Variants in LSS observed in about 807,000 individuals in gnomAD.
The protein encoded by LSS is lanosterol synthase.
Under a neutral mutation model 110.3 loss-of-function variants are expected in LSS, and 90 were observed. The observed-to-expected ratio is 0.82, with a 90% confidence interval of 0.69 to 0.97. LSS has a LOEUF of 0.97. Among genes scored for constraint, LSS ranks in the 50% least tolerant of loss-of-function variants. The pLI is 0.00. For missense variants in LSS, 927 were observed against 990.0 expected, an observed-to-expected ratio of 0.94 and a Z score of 0.85; for synonymous variants, 433 against 400.0, an observed-to-expected ratio of 1.08 and a Z score of -0.98.
At chr21:46,195,180 G>A (rs531231179) in intron 19 of LSS, among the ~76,000 whole-genome samples, 16 of 152,304 alleles carry the variant, frequency 1.1e-4, no homozygotes, top group African/African-American at 1.7e-4. Flanking sequence ...TGGAGGGGCC[G>A]GAGACCAGAA....
At chr21:46,218,973 C>T (rs2080240881) in intron 6 of LSS, among the ~76,000 whole-genome samples, 1 of 152,180 alleles carries the variant, frequency 6.6e-6, no homozygotes, top group Admixed American at 6.5e-5. Context: ...GATCTGCCCG[C>T]CTCGGCCTCC....
intron 3 of LSS, 28 bp from the exon 4 acceptor site, chr21:46,222,766 T>C (rs2080293771): frequency 2.6e-6 from 4 of 1,553,446 alleles, no homozygotes; most frequent in Non-Finnish European, 2.7e-6. Context: ...TGTTCCTCAC[T>C]GGGGACAGGT....
chr21:46,193,038 G>A (rs1419910991), intron 20 of LSS: 4 of 449,196 alleles, frequency 8.9e-6, no homozygotes, highest in Admixed American at 4.8e-5. Context: ...AGACCTGTAT[G>A]TGCATCTGTC....
chr21:46,199,338 A>G (rs1177167884), intron 17 of LSS, among the ~76,000 whole-genome samples: 2 of 152,242 alleles, frequency 1.3e-5, no homozygotes, highest in African/African-American at 4.8e-5. Flanking sequence ...CACACCTCTT[A>G]GAAAGGCTAA....
chr21:46,193,736 G>A (rs1234038694), intron 20 of LSS: 1 of 453,444 alleles, frequency 2.2e-6, no homozygotes. Context: ...GTATGTATGT[G>A]TGTGCACAGA....
chr21:46,193,847 G>A (rs904526566), intron 20 of LSS: 10 of 409,744 alleles, frequency 2.4e-5, no homozygotes, highest in South Asian at 1.5e-4. Context: ...GCCTGTGCAT[G>A]CATACGTGTG....
intron 17 of LSS, among the ~76,000 whole-genome samples, chr21:46,199,455 G>T (rs1249595414): frequency 6.6e-6 from 1 of 152,222 alleles, no homozygotes; most frequent in Non-Finnish European, 1.5e-5. Context: ...CAGTTTGGCA[G>T]CTTCTTACAG....
Position 46,213,051 on chromosome 21 carries a change from T to A in LSS, c.1111A>T (p.Met371Leu), listed in dbSNP as rs778438536. ...TGCATTTTCATGCCGTCAAGGCCCA[T>A]CCTGTGAGGAGAAAAAAGCCCAAGT... is the stretch of plus-strand genomic sequence containing the variant. ...HVSRIPDYLWMGLDGMKMQGT... is the reference protein window; with the variant it reads ...HVSRIPDYLWLGLDGMKMQGT... The change falls in exon 11 of 22, where the codon ATG becomes TTG. Residue 371 changes from methionine to leucine, a missense_variant and splice_region_variant. Transcript: ENST00000397728. The A allele has an allele frequency of 1.2e-5, 19 of 1,613,568 alleles. No individual in the cohort carries two copies. In the East Asian group the frequency reaches 3.6e-4, roughly 30 times the overall value.
Position 46,206,780 on chromosome 21 carries a change from G to C in LSS, c.1468-12C>G. 6.2e-7 allele frequency: 1 copy of C among 1,604,638 alleles called. No individual in the cohort carries two copies. The highest frequency in any genetic ancestry group is 8.5e-7 in the Non-Finnish European group (1 of 1,175,766). On this transcript the variant is annotated splice_polypyrimidine_tract_variant and intron_variant, in intron 15 of 21. Transcript: ENST00000397728. The stretch of plus-strand genomic sequence containing the variant: ...CTCATGTTCAGCAGCTGAAATCACA[G>C]AGAGCACCCTAGAACTCGCCCATGT...
At chr21:46,218,641 A>AC (rs1368622779) in intron 6 of LSS, among the ~76,000 whole-genome samples, 1 of 152,124 alleles carries the variant, frequency 6.6e-6, no homozygotes, top group Non-Finnish European at 1.5e-5. Context: ...AACAAAAAAA[A>AC]CACACACCAG....
intron 17 of LSS, among the ~76,000 whole-genome samples, chr21:46,204,528 G>C (rs1027542176): frequency 1.3e-5 from 2 of 150,702 alleles, no homozygotes; most frequent in Admixed American, 1.3e-4. Context: ...AGACTCCCCA[G>C]ACTGATACAA....
Position 46,188,913 on chromosome 21 carries a change from TA to T in LSS, c.*2190del, listed in dbSNP as rs1448410261. On this transcript the variant is annotated 3_prime_UTR_variant, in exon 22 of 22. Coordinates refer to ENST00000397728, the MANE Select transcript of LSS (RefSeq NM_002340.6). The stretch of plus-strand genomic sequence containing the variant: ...TCTTCCTGGATATGCTTATGGCCTT[TA>T]AAACATATTAAAATAGGCTATGCTA... 8.0e-5 allele frequency: 31 copies of T among 388,784 alleles called. No homozygotes were observed. In the East Asian group the frequency reaches 2.2e-3, roughly 27 times the overall value. The allele number at this position is 388,784 out of a possible 1,614,324, so 24.1% of individuals were successfully genotyped here.
chr21:46,221,851 T>G lies in LSS; in HGVS notation c.550+3A>C. 6.2e-7 allele frequency: 1 copy of G among 1,614,068 alleles called. No homozygotes were observed. The highest frequency in any genetic ancestry group is 8.5e-7 in the Non-Finnish European group (1 of 1,180,004). On this transcript the variant is annotated splice_donor_region_variant and intron_variant, in intron 5 of 21. Transcript: ENST00000397728. ...GGCCCAGCACATGCTGCACATGCCG[T>G]ACCTTTCTTGTGAAGAATGTTCCGG...
At chr21:46,206,272 T>G (rs929692272) in intron 16 of LSS, among the ~76,000 whole-genome samples, 35 of 152,236 alleles carry the variant, frequency 2.3e-4, no homozygotes, top group East Asian at 1.9e-4. Context: ...GTGGCAACCA[T>G]GCACACACAG....
chr21:46,209,568 G>A lies in LSS; in HGVS notation c.1252C>T (p.Leu418=), dbSNP rs746784475. Residue 418 remains leucine, a synonymous_variant, in exon 13 of 22, where the codon CTG becomes TTG. Coordinates refer to ENST00000397728, the MANE Select transcript of LSS (RefSeq NM_002340.6). This position sits in a 1 kb window ranked among gnomAD's most constrained non-coding sequence, Gnocchi z 4.4. The part of the protein sequence containing the change: ...SSCLQKAHEF[L]RLSQVPDNPP... Reference sequence around the variant, plus strand: ...ACCGGCCTCACCTGTGAGAGCCTCAGGAACTCATGAGCCTTCTGCAGGCAG... The same window carrying A: ...ACCGGCCTCACCTGTGAGAGCCTCAAGAACTCATGAGCCTTCTGCAGGCAG... 6.2e-7 allele frequency: 1 copy of A among 1,606,052 alleles called. No homozygotes were observed. The highest frequency in any genetic ancestry group is 8.5e-7 in the Non-Finnish European group (1 of 1,176,792).
At position 46,216,849 on chromosome 21, in the gene LSS, G is replaced by C. The variant is rs572541107; in HGVS notation, c.648-325C>G. On this transcript the variant is annotated intron_variant, in intron 6 of 21. Coordinates refer to ENST00000397728, the MANE Select transcript of LSS (RefSeq NM_002340.6). This position sits in a 1 kb window ranked among gnomAD's most constrained non-coding sequence, Gnocchi z 4.2. Reference sequence around the variant, plus strand: ...TGGTAACATAAAACATCAACAATGGGGATATGGTGTGAGGGCCCCAGGGAA... The same window carrying C: ...TGGTAACATAAAACATCAACAATGGCGATATGGTGTGAGGGCCCCAGGGAA... 4.3e-4 allele frequency among the ~76,000 whole-genome samples: 66 copies of C among 152,216 alleles called. No homozygotes were observed. The South Asian group carries it at 0.014, about 31-fold the overall frequency.
chr21:46,221,395 C>CA (rs1477517064), intron 5 of LSS, among the ~76,000 whole-genome samples: 2 of 152,104 alleles, frequency 1.3e-5, no homozygotes, highest in Non-Finnish European at 2.9e-5. Context: ...CGCACTCTGT[C>CA]ACCCAGGCTA....
chr21:46,207,109 A>C (rs1462932202), intron 15 of LSS, among the ~76,000 whole-genome samples: 1 of 152,320 alleles, frequency 6.6e-6, no homozygotes, highest in Non-Finnish European at 1.5e-5. Flanking sequence ...ACCAAAACCA[A>C]CACCAACAAA....
At chr21:46,197,543 G>C (rs1381239722) in intron 17 of LSS, among the ~76,000 whole-genome samples, 1 of 152,194 alleles carries the variant, frequency 6.6e-6, no homozygotes, top group East Asian at 1.9e-4. Context: ...ATATGGAAAA[G>C]TGAAAATTTC....
Sources: gnomAD v4.1 joint callset for allele counts (sites outside exome capture counted in the v4.1 genomes callset) on GRCh38, gnomAD v4.1.1 for gene constraint, Gnocchi (gnomAD v3.1) non-coding constraint, MANE v1.5 for transcripts, NCBI Gene and HGNC (gene_info 2026-07-23, HGNC 2026-07-21) for gene names.